Variants in EXOC7 observed in about 807,000 individuals in gnomAD.
EXOC7 encodes exocyst complex component Exo70.
Under a neutral mutation model 87.6 loss-of-function variants are expected in EXOC7, and 51 were observed. The observed-to-expected ratio is 0.58, with a 90% CI of 0.46 to 0.73. The LOEUF (loss-of-function observed/expected upper bound fraction) is 0.73, where lower values mean the gene tolerates loss of function less well. Ranked by LOEUF, EXOC7 falls within the 30% of genes least tolerant of loss-of-function variation. EXOC7 has a pLI of 0.00. For missense variants in EXOC7, 744 were observed against 888.4 expected, an observed-to-expected ratio of 0.84 and a Z score of 2.07; for synonymous variants, 327 against 357.1, an observed-to-expected ratio of 0.92 and a Z score of 0.95.
At position 76,082,692 on chromosome 17, in the gene EXOC7, T is replaced by C. The variant is rs775676619; in HGVS notation, c.*956A>G. ...GGGCTGCACACCTTAGGATGAAGTT[T>C]GCTTTCCCATGGCTGGGGGCGGGCC... is the stretch of plus-strand genomic sequence containing the variant. On this transcript the variant is annotated 3_prime_UTR_variant, in exon 19 of 19. Coordinates refer to ENST00000589210, the MANE Select transcript of EXOC7 (RefSeq NM_001013839.4). The C allele has an allele frequency of 1.3e-6, 2 of 1,548,160 alleles. No homozygotes were observed. Among genetic ancestry groups the C allele is most frequent in the Admixed American group, 4.0e-5 (2 of 50,480 alleles).
chr17:76,089,208 G>A lies in EXOC7; in HGVS notation c.1014C>T (p.His338=). 1 of 1,613,956 alleles carries A rather than the reference G, an allele frequency of 6.2e-7. No individual in the cohort carries two copies. The highest frequency in any genetic ancestry group is 2.2e-5 in the East Asian group (1 of 44,882). ...YQLLADIIPE[H]HQKKTFDSLI... ...GGGAGTCGAAGGTCTTCTTCTGGTG[G>A]TGCTCGGGGATGATGTCGGCCAGCA... The change falls in exon 8 of 19, where the codon CAC becomes CAT. Residue 338 remains histidine (H), a synonymous_variant. Coordinates refer to ENST00000589210, the MANE Select transcript of EXOC7 (RefSeq NM_001013839.4).
At chr17:76,086,197 C>G in intron 12 of EXOC7, 52 bp from the exon 13 acceptor site, 1 of 1,558,558 alleles carries the variant, frequency 6.4e-7, no homozygotes, top group Non-Finnish European at 8.8e-7. Flanking sequence ...AGACCCTCAA[C>G]GGCCCTTCCC....
intron 6 of EXOC7, chr17:76,094,040 C>T: frequency 5.7e-6 from 1 of 174,994 alleles, no homozygotes; most frequent in East Asian, 1.5e-4. Flanking sequence ...GGTTGGAGCA[C>T]CTATCCCCTT....
chr17:76,087,379 C>T (rs1295753882), intron 12 of EXOC7: 1 of 512,774 alleles, frequency 2.0e-6, no homozygotes, highest in African/African-American at 1.9e-5. Context: ...AGGACACCTT[C>T]CAACCAACCA....
rs751604527 is a variant in EXOC7, at chr17:76,088,906, C to T, written c.1065G>A (p.Leu355=). The change falls in exon 9 of 19, where the codon CTG becomes CTA. Residue 355 remains leucine, a synonymous_variant. Coordinates refer to ENST00000589210, the MANE Select transcript of EXOC7 (RefSeq NM_001013839.4). ...DSLIQDALDG[L]MLEGENIVSA... Reference sequence around the variant, plus strand: ...ACACGATGTTCTCCCCTTCAAGCATCAGCCCATCCAGGGCATCCTGAGGGG... The same window carrying T: ...ACACGATGTTCTCCCCTTCAAGCATTAGCCCATCCAGGGCATCCTGAGGGG... The T allele has an allele frequency of 5.0e-6, 8 of 1,613,280 alleles. No homozygotes were observed. Among genetic ancestry groups the T allele is most frequent in the Non-Finnish European group, 6.8e-6 (8 of 1,180,002 alleles).
chr17:76,088,660 G>C, intron 9 of EXOC7, 98 bp from the exon 10 acceptor site: 1 of 1,593,890 alleles, frequency 6.3e-7, no homozygotes. Context: ...TGCACCTTCA[G>C]AGCAGAAGTG....
chr17:76,091,232 G>A lies in EXOC7; in HGVS notation c.812C>T (p.Thr271Met), dbSNP rs1014629772. 5 of 1,613,836 alleles carry A rather than the reference G, an allele frequency of 3.1e-6. No individual in the cohort carries two copies. Among genetic ancestry groups the A allele is most frequent in the South Asian group, 1.1e-5 (1 of 91,074 alleles). ...PTKKPVKRPG[T>M]IRKAQNLLKQ... ...CAGAAGGTTCTGAGCCTTACGGATCGTCCCTGTCACCAGAGCCACACAGAG... is the reference window on the plus strand; with the variant it reads ...CAGAAGGTTCTGAGCCTTACGGATCATCCCTGTCACCAGAGCCACACAGAG... The change falls in exon 7 of 19, where the codon ACG becomes ATG. Residue 271 changes from threonine (T) to methionine (M), a missense_variant. Transcript: ENST00000589210.
In EXOC7 at chr17:76,103,764, A is replaced by T; in HGVS notation, c.-72T>A. ...GGCCCACCGGGCCCCCGTCCCCGTC[A>T]CACCCACTTCCGCTCTTGGTCCCGC... is the stretch of plus-strand genomic sequence containing the variant. On this transcript the variant is annotated 5_prime_UTR_variant, in exon 1 of 19. Coordinates refer to ENST00000589210, the MANE Select transcript of EXOC7 (RefSeq NM_001013839.4). 6.6e-7 allele frequency: 1 copy of T among 1,506,454 alleles called. No individual in the cohort carries two copies. Among genetic ancestry groups the T allele is most frequent in the Non-Finnish European group, 9.0e-7 (1 of 1,112,810 alleles). 93.3% of individuals were successfully genotyped at this position (1,506,454 alleles called of 1,614,324 possible). A position where few individuals can be genotyped will look rare whatever the true frequency, so the allele number is the denominator to read the frequency against.
chr17:76,081,921 G>A lies in EXOC7; in HGVS notation c.*1727C>T, dbSNP rs576164907. The A allele has an allele frequency of 5.3e-5, 85 of 1,613,118 alleles. No homozygotes were observed. In the South Asian group the frequency reaches 8.6e-4, roughly 16 times the overall value. On this transcript the variant is annotated 3_prime_UTR_variant, in exon 19 of 19. Transcript: ENST00000589210. Reference sequence around the variant, plus strand: ...ATCCTGCTGCTGCTGCTCTTCCTCAGCACCATAGAGACTGTGCTGCTGGCT... The same window carrying A: ...ATCCTGCTGCTGCTGCTCTTCCTCAACACCATAGAGACTGTGCTGCTGGCT...
At chr17:76,091,500 T>C (rs746257732) in intron 6 of EXOC7, 15 of 442,588 alleles carry the variant, frequency 3.4e-5, no homozygotes, top group African/African-American at 8.1e-5. Flanking sequence ...GTAATGAAGA[T>C]GGACCAAGAT....
chr17:76,087,335 G>A (rs540379943), intron 12 of EXOC7: 2 of 447,178 alleles, frequency 4.5e-6, no homozygotes. Context: ...AGGCAGACAC[G>A]AGAGAAGGAT....
chr17:76,081,446 G>C lies in EXOC7; in HGVS notation c.*2202C>G, dbSNP rs201163620. The stretch of plus-strand genomic sequence containing the variant: ...AGGCCGACAGAGGGCTGCTGGAGGC[G>C]GGTGGGAGTGAGGATGCACGGCCAG... On this transcript the variant is annotated 3_prime_UTR_variant, in exon 19 of 19. Transcript: ENST00000589210. 1.2e-6 allele frequency: 2 copies of C among 1,612,402 alleles called. No homozygotes were observed. The highest frequency in any genetic ancestry group is 1.7e-6 in the Non-Finnish European group (2 of 1,179,382).
chr17:76,082,500 G>T lies in EXOC7; in HGVS notation c.*1148C>A. ...GAGTAAAGGGGTCACAGAGAAGCTGGCCTGAGACTGCTGACCGCATCTTCT... is the reference window on the plus strand; with the variant it reads ...GAGTAAAGGGGTCACAGAGAAGCTGTCCTGAGACTGCTGACCGCATCTTCT... On this transcript the variant is annotated 3_prime_UTR_variant, in exon 19 of 19. Coordinates refer to ENST00000589210, the MANE Select transcript of EXOC7 (RefSeq NM_001013839.4). 6.2e-7 allele frequency: 1 copy of T among 1,613,586 alleles called. No individual in the cohort carries two copies. The highest frequency in any genetic ancestry group is 8.5e-7 in the Non-Finnish European group (1 of 1,179,816).
In EXOC7 at chr17:76,101,923, C is replaced by T. The variant is rs1005981832; in HGVS notation, c.127-60G>A. ...CAGTGGTCCCAGCACTGCTTCTACA[C>T]ACCCACCTTCGGCATTTCCTGCCTT... On this transcript the variant is annotated intron_variant, in intron 2 of 18. Coordinates refer to ENST00000589210, the MANE Select transcript of EXOC7 (RefSeq NM_001013839.4). The T allele has an allele frequency of 5.6e-6, 8 of 1,420,534 alleles. No individual in the cohort carries two copies. In the African/African-American group the frequency reaches 8.6e-5, roughly 15 times the overall value. 88.0% of individuals were successfully genotyped at this position (1,420,534 alleles called of 1,614,324 possible). A position where few individuals can be genotyped will look rare whatever the true frequency, so the allele number is the denominator to read the frequency against.
At chr17:76,098,059 G>T in intron 4 of EXOC7, 41 bp from the exon 5 acceptor site, 1 of 1,570,430 alleles carries the variant, frequency 6.4e-7, no homozygotes, top group Non-Finnish European at 8.8e-7. Flanking sequence ...TGCTGCTTCA[G>T]TGTTCTGCCA....
intron 6 of EXOC7, chr17:76,092,909 A>T (rs1047788693): frequency 6.6e-6 from 1 of 152,294 alleles, no homozygotes; most frequent in African/African-American, 2.4e-5. Flanking sequence ...AGAGCCTGAC[A>T]TCGGTCCTGA....
At chr17:76,087,222 C>A in intron 12 of EXOC7, 1 of 389,366 alleles carries the variant, frequency 2.6e-6, no homozygotes, top group Non-Finnish European at 4.7e-6. Flanking sequence ...GGCCAACCCC[C>A]TGAGCTCCAG....
rs1458690006 is a variant in EXOC7 at position 76,084,935 on chromosome 17, C to T, written c.1713-355G>A. ...ACACATTCAAAGGGAAGAAACAAAGCCAGGAAGAAAGAGGACCAGAGAAGC... is the reference window on the plus strand; with the variant it reads ...ACACATTCAAAGGGAAGAAACAAAGTCAGGAAGAAAGAGGACCAGAGAAGC... On this transcript the variant is annotated intron_variant, in intron 15 of 18. Coordinates refer to ENST00000589210, the MANE Select transcript of EXOC7 (RefSeq NM_001013839.4). Among the ~76,000 whole-genome samples the T allele has an allele frequency of 2.6e-5, 4 of 152,074 alleles. No homozygotes were observed. The East Asian group carries it at 7.7e-4, about 29-fold the overall frequency.
intron 4 of EXOC7, among the ~76,000 whole-genome samples, chr17:76,100,283 G>A (rs1023620610): frequency 1.3e-5 from 2 of 152,060 alleles, no homozygotes; most frequent in African/African-American, 4.8e-5. Context: ...AATGGTGATG[G>A]CTACATAACA....
Sources: gnomAD v4.1 joint callset for allele counts (sites outside exome capture counted in the v4.1 genomes callset) on GRCh38, gnomAD v4.1.1 for gene constraint, MANE v1.5 for transcripts, NCBI Gene and HGNC (gene_info 2026-07-23, HGNC 2026-07-21) for gene names.